The following TECPR2 variants were observed in gnomAD, a reference collection of about 807,000 sequenced individuals.
TECPR2 encodes the protein tectonin beta-propeller repeat-containing protein 2.
TECPR2 carries 65 observed loss-of-function variants against 138.1 expected under a neutral mutation model. That is an observed-to-expected ratio of 0.47 (90% confidence interval 0.39 to 0.58). The LOEUF (loss-of-function observed/expected upper bound fraction) is 0.58. TECPR2 is among the 20% of genes least tolerant of loss of function. TECPR2 has a pLI of 0.00. For missense variants in TECPR2, 1,553 were observed against 1,824.5 expected (o/e 0.85, Z 2.71); for synonymous variants, 746 against 749.8 (o/e 0.99, Z 0.08).
At chr14:102,390,765 T>C (rs1031507172) in intron 2 of TECPR2, among the ~76,000 whole-genome samples, 2 of 151,744 alleles carry the variant, frequency 1.3e-5, no homozygotes, top group African/African-American at 2.4e-5. Context: ...CAAGCAACTT[T>C]TGGACTAAAA....
intron 17 of TECPR2, among the ~76,000 whole-genome samples, chr14:102,485,114 A>G (rs114159135): frequency 0.01 from 1,584 of 152,340 alleles, 31 homozygotes; most frequent in African/African-American, 0.036. Context: ...GCTGAGCACC[A>G]TGGTGCAGCT....
intron 17 of TECPR2, 110 bp from the exon 18 acceptor site, chr14:102,496,869 A>G: frequency 6.6e-7 from 1 of 1,515,182 alleles, no homozygotes; most frequent in South Asian, 1.3e-5. Flanking sequence ...TGCGGGGCCC[A>G]CACTGGCTGC....
intron 2 of TECPR2, among the ~76,000 whole-genome samples, chr14:102,395,088 C>T (rs571407717): frequency 2.6e-5 from 4 of 152,236 alleles, no homozygotes; most frequent in South Asian, 4.1e-4. Flanking sequence ...ACCTAGATCA[C>T]GATCTGACAC....
rs541358531 is a variant in TECPR2, at chr14:102,393,834, A to G, written c.220-13504A>G. On this transcript the variant is annotated intron_variant, in intron 2 of 19. Transcript: ENST00000359520. The stretch of plus-strand genomic sequence containing the variant: ...CTCGGCCTCCCAAAGTGCTGGGATT[A>G]TAGGCATGAGCCACCGCGCCTGGTC... Among the ~76,000 whole-genome samples, 173 of 152,320 alleles carry G rather than the reference A, an allele frequency of 1.1e-3. 1 individual carries two copies. The highest frequency in any genetic ancestry group is 4.0e-3 in the African/African-American group (167 of 41,568).
rs1404955980 is a variant in TECPR2, at chr14:102,431,831, C to A, written c.1120C>A (p.Arg374Ser). 6.3e-7 allele frequency: 1 copy of A among 1,592,166 alleles called. No homozygotes were observed. The highest frequency in any genetic ancestry group is 1.3e-5 in the African/African-American group (1 of 74,406). Residue 374 changes from arginine to serine, a missense_variant, in exon 8 of 20, where the codon CGT becomes AGT. Physicochemically the swap from Arg to Ser is moderately radical, Grantham distance 110. Coordinates refer to ENST00000359520, the MANE Select transcript of TECPR2 (RefSeq NM_014844.5). ...DGLEMSGCSE[R>S]VHVQQAEKLP... ...TCTGGAGATGTCTGGATGCTCAGAG[C>A]GTGTCCACGTGCAGCAAGCGGAGAA...
chr14:102,376,652 C>G lies in TECPR2; in HGVS notation c.-70C>G. The stretch of plus-strand genomic sequence containing the variant: ...GATTGTAATGCTTTGTTCTGTAGCC[C>G]CCAGGTTTCCCTAGATGACAAATAA... On this transcript the variant is annotated splice_region_variant and 5_prime_UTR_variant, in exon 2 of 20. Transcript: ENST00000359520. 7.1e-7 allele frequency: 1 copy of G among 1,408,316 alleles called. No homozygotes were observed. 87.2% of individuals were successfully genotyped at this position (1,408,316 alleles called of 1,614,324 possible).
rs1374730200 is a variant in TECPR2, at chr14:102,499,030, TCAC to T, written c.*777_*779del. 1.0e-5 allele frequency: 7 copies of T among 699,164 alleles called. No individual in the cohort carries two copies. Among genetic ancestry groups the T allele is most frequent in the Non-Finnish European group, 1.8e-5 (7 of 383,492 alleles). 43.3% of individuals were successfully genotyped at this position (699,164 alleles called of 1,614,324 possible). On this transcript the variant is annotated 3_prime_UTR_variant, in exon 20 of 20. Coordinates refer to ENST00000359520, the MANE Select transcript of TECPR2 (RefSeq NM_014844.5). ...GCACCGCACCGTACCTCGCCACATC[TCAC>T]CACACCACACCACACCACACCTCAC...
chr14:102,412,887 G>C (rs1162911337), intron 4 of TECPR2, among the ~76,000 whole-genome samples: 2 of 152,096 alleles, frequency 1.3e-5, no homozygotes, highest in Non-Finnish European at 2.9e-5. Context: ...TTGAGCCCAG[G>C]AATTTGAGAC....
chr14:102,407,723 G>A (rs557324372), intron 3 of TECPR2, among the ~76,000 whole-genome samples: 10 of 152,274 alleles, frequency 6.6e-5, no homozygotes, highest in African/African-American at 2.2e-4. Flanking sequence ...TTGGCCGGGT[G>A]CAGTGGCTCA....
intron 2 of TECPR2, among the ~76,000 whole-genome samples, chr14:102,385,315 G>T (rs539404277): frequency 1.3e-5 from 2 of 152,158 alleles, no homozygotes; most frequent in South Asian, 4.1e-4. Flanking sequence ...ATTCATGAGG[G>T]ATCTACCCCC....
intron 1 of TECPR2, among the ~76,000 whole-genome samples, chr14:102,371,773 A>C (rs577490935): frequency 6.6e-5 from 10 of 152,264 alleles, no homozygotes; most frequent in African/African-American, 2.4e-4. Flanking sequence ...TGGTTGAGAA[A>C]ATTTTGGTTT....
intron 3 of TECPR2, 108 bp downstream of exon 3, chr14:102,407,574 G>A (rs374691576): frequency 1.5e-5 from 21 of 1,408,248 alleles, no homozygotes; most frequent in South Asian, 5.9e-5. Context: ...AGAGAAAGCC[G>A]GGCACGACTT....
At chr14:102,487,825 G>C (rs1385867664) in intron 17 of TECPR2, among the ~76,000 whole-genome samples, 3 of 149,712 alleles carry the variant, frequency 2.0e-5, no homozygotes, top group Non-Finnish European at 3.0e-5. Context: ...ACAGGCGTGA[G>C]CCACCACGCC....
intron 7 of TECPR2, among the ~76,000 whole-genome samples, chr14:102,431,299 G>A (rs8006252): frequency 0.37 from 54,554 of 147,130 alleles, 10,172 homozygotes; most frequent in Middle Eastern, 0.5. Flanking sequence ...AACAAAAACT[G>A]TTTCTTAGAG....
intron 1 of TECPR2, among the ~76,000 whole-genome samples, chr14:102,367,993 CCTTTTTTTTTTTTTTT>C (rs531466788): frequency 0.039 from 3,914 of 101,106 alleles, 82 homozygotes; most frequent in Middle Eastern, 0.12. Flanking sequence ...TGCTTATTGG[CCTTTTTTTTTTTTTTT>C]TTTTTTTTTT....
At chr14:102,382,920 C>G (rs1399215146) in intron 2 of TECPR2, among the ~76,000 whole-genome samples, 1 of 152,084 alleles carries the variant, frequency 6.6e-6, no homozygotes, top group Non-Finnish European at 1.5e-5. Context: ...CCACGCCCAG[C>G]TAATTTTTTG....
At chr14:102,379,848 G>A (rs1245926886) in intron 2 of TECPR2, among the ~76,000 whole-genome samples, 7 of 139,810 alleles carry the variant, frequency 5.0e-5, no homozygotes, top group Admixed American at 5.0e-4. Flanking sequence ...TCACACTGCT[G>A]AAGATCACAG....
intron 17 of TECPR2, chr14:102,465,665 C>T: frequency 1.0e-6 from 1 of 985,542 alleles, no homozygotes; most frequent in Non-Finnish European, 1.2e-6. Context: ...GTAAAAGTTA[C>T]TTTGAATCTT....
chr14:102,366,835 C>A (rs1033221757), intron 1 of TECPR2, among the ~76,000 whole-genome samples: 4 of 151,976 alleles, frequency 2.6e-5, no homozygotes, highest in African/African-American at 7.3e-5. Flanking sequence ...GCAAATAAAG[C>A]AATTAGAGGT....
Sources: allele counts gnomAD v4.1 joint callset (sites outside exome capture counted in the v4.1 genomes callset), GRCh38; gene constraint gnomAD v4.1.1; transcripts MANE v1.5; gene names NCBI Gene and HGNC (gene_info 2026-07-23, HGNC 2026-07-21).